Variants in EP300 observed in about 807,000 individuals in gnomAD.
The protein encoded by EP300 is histone acetyltransferase p300.
Under a neutral mutation model 264.0 loss-of-function variants are expected in EP300, and 31 were observed. The observed-to-expected ratio is 0.12, with a 90% CI of 0.09 to 0.16. The LOEUF (loss-of-function observed/expected upper bound fraction) is 0.16. EP300 is among the 10% of genes least tolerant of loss of function. The probability of loss-of-function intolerance (pLI) is 1.00; values close to 1 mark genes in which losing one functional copy is unlikely to be tolerated. For synonymous variants in EP300, 1,340 were observed against 1,045.4 expected (o/e 1.28, Z -5.44); for missense variants, 2,766 against 3,052.9 (o/e 0.91, Z 2.21).
chr22:41,114,826 A>AG (rs930701080), intron 1 of EP300, among the ~76,000 whole-genome samples: 38 of 151,390 alleles, frequency 2.5e-4, no homozygotes, highest in Non-Finnish European at 3.2e-4. Flanking sequence ...ATTGGGAAGA[A>AG]AAAAAAAAAC....
intron 2 of EP300, among the ~76,000 whole-genome samples, chr22:41,125,339 C>CT (rs1569094610): frequency 1.3e-5 from 2 of 151,774 alleles, no homozygotes; most frequent in East Asian, 3.9e-4. Flanking sequence ...AGGATAGTCT[C>CT]TATCTCCTGA....
intron 5 of EP300, among the ~76,000 whole-genome samples, chr22:41,131,176 C>T (rs573768358): frequency 2.6e-5 from 4 of 152,248 alleles, no homozygotes; most frequent in Admixed American, 2.6e-4. Flanking sequence ...ATTGGGCATT[C>T]AGAATCAAAA....
chr22:41,098,778 C>G (rs914218825), intron 1 of EP300, among the ~76,000 whole-genome samples: 1 of 152,100 alleles, frequency 6.6e-6, no homozygotes, highest in Admixed American at 6.6e-5. Flanking sequence ...GAGTTCATAG[C>G]CCAGGCTTGT....
At chr22:41,173,547 AGG>A (rs754765213) in intron 28 of EP300, 74 bp from the exon 29 acceptor site, 12 of 1,433,752 alleles carry the variant, frequency 8.4e-6, no homozygotes, top group Non-Finnish European at 1.2e-5. Flanking sequence ...GTTTCAAAGA[AGG>A]GAGATATTCT....
At position 41,148,229 on chromosome 22, in the gene EP300, A is replaced by G. The variant is rs61502017; in HGVS notation, c.2241+283A>G. On this transcript the variant is annotated intron_variant, in intron 12 of 30. Transcript: ENST00000263253. ...TCCTCCAGGCAGAGAACTGTCTTGC[A>G]AGGTTGATGGTGCGTTTTTGCCTGG... Among the ~76,000 whole-genome samples the G allele has an allele frequency of 9.9e-3, 1,500 of 152,174 alleles. 30 individuals are homozygous for G. Among genetic ancestry groups the G allele is most frequent in the African/African-American group, 0.034 (1,420 of 41,494 alleles).
chr22:41,167,814 G>GTTTTTTTTTTTGT (rs2059147587), intron 23 of EP300, among the ~76,000 whole-genome samples: 1 of 66,208 alleles, frequency 1.5e-5, no homozygotes, highest in Non-Finnish European at 2.6e-5. Context: ...GTTTGTTTTT[G>GTTTTTTTTTTTGT]TTTTTTTTTT....
intron 20 of EP300, among the ~76,000 whole-genome samples, chr22:41,161,719 T>G (rs572872136): frequency 2.0e-5 from 3 of 152,206 alleles, no homozygotes; most frequent in Non-Finnish European, 4.4e-5. Flanking sequence ...CAGTGTAATT[T>G]TAATATTATT....
chr22:41,136,880 C>T (rs947059614), intron 7 of EP300, among the ~76,000 whole-genome samples: 6 of 151,104 alleles, frequency 4.0e-5, no homozygotes, highest in African/African-American at 1.5e-4. Context: ...GGCAACATGG[C>T]GAAATCCTGT....
intron 24 of EP300, 58 bp from the exon 25 acceptor site, chr22:41,168,663 T>A: frequency 6.2e-7 from 1 of 1,614,234 alleles, no homozygotes; most frequent in South Asian, 1.1e-5. Context: ...TGGTTACTAT[T>A]GGTGATTCCA....
rs562882508 is a variant in EP300 at position 41,127,824 on chromosome 22, A to C, written c.1168+76A>C. Reference sequence around the variant, plus strand: ...GAAGAAGGAAAATGTGATCAAGTCTATTTTGTGGTGATGGATATGTTTAAT... The same window carrying C: ...GAAGAAGGAAAATGTGATCAAGTCTCTTTTGTGGTGATGGATATGTTTAAT... On this transcript the variant is annotated intron_variant, in intron 4 of 30. Coordinates refer to ENST00000263253, the MANE Select transcript of EP300 (RefSeq NM_001429.4). 107 of 1,579,780 alleles carry C rather than the reference A, an allele frequency of 6.8e-5. 1 individual carries two copies. In the Middle Eastern group the frequency reaches 1.3e-3, roughly 19 times the overall value.
chr22:41,140,086 A>T (rs2058973154), intron 8 of EP300, 54 bp from the exon 9 acceptor site: 2 of 1,306,712 alleles, frequency 1.5e-6, no homozygotes, highest in Non-Finnish European at 2.2e-6. Flanking sequence ...AAATCAGAAA[A>T]ATACTAATTA....
intron 17 of EP300, among the ~76,000 whole-genome samples, chr22:41,156,872 C>G (rs1326830006): frequency 6.6e-6 from 1 of 152,196 alleles, no homozygotes; most frequent in Non-Finnish European, 1.5e-5. Flanking sequence ...TTTTAAATGT[C>G]TTTGACTTTA....
At chr22:41,140,568 A>G (rs535746404) in intron 9 of EP300, among the ~76,000 whole-genome samples, 6 of 152,214 alleles carry the variant, frequency 3.9e-5, no homozygotes, top group African/African-American at 1.4e-4. Flanking sequence ...GCAGTTTGAA[A>G]GTCTGAGGTG....
chr22:41,116,603 C>T (rs1237302531), intron 1 of EP300, among the ~76,000 whole-genome samples: 1 of 152,102 alleles, frequency 6.6e-6, no homozygotes, highest in Non-Finnish European at 1.5e-5. Flanking sequence ...TTTATCCAGT[C>T]TGTCATTGAT....
At chr22:41,148,474 G>C (rs1458827686) in intron 12 of EP300, among the ~76,000 whole-genome samples, 1 of 152,178 alleles carries the variant, frequency 6.6e-6, no homozygotes, top group Non-Finnish European at 1.5e-5. Context: ...CTATAAGACA[G>C]ATGGTCTTAG....
In EP300 at chr22:41,145,311, A is replaced by T. The variant is rs559000768; in HGVS notation, c.2054-1428A>T. Reference sequence around the variant, plus strand: ...CATATACTTCTTATAAAGCTTGCAGAGTTACAGATAAAAGTTTATATGAAT... The same window carrying T: ...CATATACTTCTTATAAAGCTTGCAGTGTTACAGATAAAAGTTTATATGAAT... On this transcript the variant is annotated intron_variant, in intron 10 of 30. Coordinates refer to ENST00000263253, the MANE Select transcript of EP300 (RefSeq NM_001429.4). Among the ~76,000 whole-genome samples the T allele has an allele frequency of 9.8e-5, 15 of 152,340 alleles. No homozygotes were observed. In the East Asian group the frequency reaches 2.9e-3, roughly 29 times the overall value.
intron 23 of EP300, among the ~76,000 whole-genome samples, chr22:41,167,582 G>GTATA (rs1191403968): frequency 6.0e-4 from 13 of 21,670 alleles, no homozygotes; most frequent in Non-Finnish European, 8.3e-4. Flanking sequence ...GTGTGTGTGT[G>GTATA]TGTATATATA....
intron 12 of EP300, 87 bp downstream of exon 12, chr22:41,148,033 T>G (rs1274340294): frequency 2.2e-6 from 2 of 915,292 alleles, no homozygotes; most frequent in African/African-American, 3.4e-5. Flanking sequence ...ATTCTCACAG[T>G]CATTTAAACA....
intron 3 of EP300, 34 bp from the exon 4 acceptor site, chr22:41,127,453 C>T (rs1356554750): frequency 1.9e-6 from 3 of 1,612,668 alleles, no homozygotes; most frequent in South Asian, 1.1e-5. Context: ...CACATTATGA[C>T]TCCTACCATT....
Sources: gnomAD v4.1 joint callset for allele counts (sites outside exome capture counted in the v4.1 genomes callset) on GRCh38, gnomAD v4.1.1 for gene constraint, MANE v1.5 for transcripts, NCBI Gene and HGNC (gene_info 2026-07-23, HGNC 2026-07-21) for gene names.